UBXN1: variants seen among roughly 807,000 people sequenced by gnomAD.
The protein encoded by UBXN1 is UBX domain protein 1, also known as UBX domain-containing protein 1.
A neutral mutation model predicts 42.0 loss-of-function variants in UBXN1; 21 were observed. The observed-to-expected ratio is 0.50, with a 90% CI of 0.35 to 0.72. The LOEUF is 0.72. UBXN1 is among the 30% of genes least tolerant of loss of function. The pLI, the probability that UBXN1 is intolerant of heterozygous loss-of-function variation, is 0.00. For synonymous variants in UBXN1, 172 were observed against 142.6 expected (o/e 1.21, Z -1.47); for missense variants, 374 against 382.2 (o/e 0.98, Z 0.18).
rs1440288643 is a variant in UBXN1 at position 62,678,132 on chromosome 11, G to A, written c.291-14C>T. 9 of 1,612,814 alleles carry A rather than the reference G, an allele frequency of 5.6e-6. No homozygotes were observed. Among genetic ancestry groups the A allele is most frequent in the African/African-American group, 1.3e-5 (1 of 74,846 alleles). ...AGCTCCAACATCCTGTGTTGCCGAG[G>A]GAAAACAGTTCAAGAGAAATGGACA... On this transcript the variant is annotated splice_polypyrimidine_tract_variant and intron_variant, in intron 4 of 8. Coordinates refer to ENST00000301935, the MANE Select transcript of UBXN1 (RefSeq NM_001286077.2).
rs1326660914 is a variant in UBXN1, at chr11:62,677,577, G to A, written c.592C>T (p.Pro198Ser). The A allele has an allele frequency of 1.9e-6, 3 of 1,614,088 alleles. No homozygotes were observed. Among genetic ancestry groups the A allele is most frequent in the East Asian group, 2.2e-5 (1 of 44,882 alleles). ...GGAGGCTCCTGGCTGGGAGAAGAGG[G>A]AACAGGACCTGGCTCTGGTGCCACT... Reference protein sequence around the residue: ...PPVAPEPGPVPSSPSQEPPTK... With the variant: ...PPVAPEPGPVSSSPSQEPPTK... The change falls in exon 7 of 9, where the codon CCC (proline) becomes TCC (serine). Residue 198 changes from proline (P) to serine (S), a missense_variant. Pro to Ser is a moderately conservative substitution (Grantham distance 74). Coordinates refer to ENST00000301935, the MANE Select transcript of UBXN1 (RefSeq NM_001286077.2).
Position 62,677,005 on chromosome 11 carries a change from C to A in UBXN1, c.652G>T (p.Val218Phe), listed in dbSNP as rs1052767038. The A allele has an allele frequency of 1.9e-6, 3 of 1,607,752 alleles. No homozygotes were observed. The highest frequency in any genetic ancestry group is 3.3e-5 in the Admixed American group (2 of 59,992). The change falls in exon 8 of 9, where the codon GTC (valine) becomes TTC (phenylalanine). Residue 218 changes from valine (V) to phenylalanine (F), a missense_variant and splice_region_variant. Physicochemically the swap from Val to Phe is conservative, Grantham distance 50 (BLOSUM62 -1). Transcript: ENST00000301935. ...AGTGAGGTCCCATCTGGCAGCCTGACCTAAAGGGCAAGGGAGATACTCAGT... is the reference window on the plus strand; with the variant it reads ...AGTGAGGTCCCATCTGGCAGCCTGAACTAAAGGGCAAGGGAGATACTCAGT... The part of the protein sequence containing the change: ...KREYDQCRIQ[V>F]RLPDGTSLTQ...
At chr11:62,677,331 G>C (rs2134670707) in intron 7 of UBXN1, 187 bp downstream of exon 7, 1 of 682,918 alleles carries the variant, frequency 1.5e-6, no homozygotes, top group East Asian at 2.6e-5. Flanking sequence ...AGAGGTATGG[G>C]TTTAAATACA....
rs757396813 is a variant in UBXN1, at chr11:62,678,475, C to T, written c.220+20G>A. On this transcript the variant is annotated intron_variant, in intron 3 of 8. Transcript: ENST00000301935. ...CTCGGACCCTCCTGAATAATCACAC[C>T]GTGGACCCTCAGTCAGGACCTTCAA... The T allele has an allele frequency of 1.2e-6, 2 of 1,612,718 alleles. No individual in the cohort carries two copies. Among genetic ancestry groups the T allele is most frequent in the East Asian group, 2.2e-5 (1 of 44,900 alleles).
Position 62,678,398 on chromosome 11 carries a change from A to C in UBXN1, c.231T>G (p.Ser77=). 1 of 1,614,160 alleles carries C rather than the reference A, an allele frequency of 6.2e-7. No homozygotes were observed. Among genetic ancestry groups the C allele is most frequent in the South Asian group, 1.1e-5 (1 of 91,078 alleles). ...SEQGGLEGSG[S]AAGEGKPALS... The stretch of plus-strand genomic sequence containing the variant: ...AAGCGGGTTTGCCTTCTCCGGCAGC[A>C]GAACCAGATCCTACAAACAAACAAT... The change falls in exon 4 of 9, where the codon TCT becomes TCG. Residue 77 remains serine (S), a synonymous_variant. Transcript: ENST00000301935.
In UBXN1 at chr11:62,676,607, T is replaced by G; in HGVS notation, c.877A>C (p.Lys293Gln). 1 of 1,610,816 alleles carries G rather than the reference T, an allele frequency of 6.2e-7. No homozygotes were observed. Among genetic ancestry groups the G allele is most frequent in the Non-Finnish European group, 8.5e-7 (1 of 1,179,176 alleles). ...LVPSAVLIVA[K>Q]KCPS is the part of the protein sequence containing the mutation. ...AAAGGCCCTCAGCTGGGACATTTCT[T>G]GGCCACAATGAGAACAGCAGAAGGC... Residue 293 changes from lysine to glutamine, a missense_variant, in exon 9 of 9, where the codon AAG becomes CAG. Lys to Gln is a moderately conservative substitution (Grantham distance 53, BLOSUM62 1). Transcript: ENST00000301935.
chr11:62,679,046 T>A lies in UBXN1; in HGVS notation c.-123A>T. 1 of 1,078,390 alleles carries A rather than the reference T, an allele frequency of 9.3e-7. No individual in the cohort carries two copies. Among genetic ancestry groups the A allele is most frequent in the Non-Finnish European group, 1.3e-6 (1 of 762,778 alleles). 66.8% of individuals were successfully genotyped at this position (1,078,390 alleles called of 1,614,324 possible). ...GGGCGCTCGCTCTCTCACCCGGCTC[T>A]ATAGCAGCCGGGAACACCGACGAGA... On this transcript the variant is annotated 5_prime_UTR_variant, in exon 1 of 9. Transcript: ENST00000301935.
chr11:62,678,457 C>A (rs765143859), intron 3 of UBXN1, 38 bp downstream of exon 3: 1 of 1,613,462 alleles, frequency 6.2e-7, no homozygotes, highest in East Asian at 2.2e-5. Context: ...CTCCTCGGAC[C>A]CTCCTGAATA....
chr11:62,677,019 G>GAGAT lies in UBXN1; in HGVS notation c.652-18_652-15dup. 6.2e-7 allele frequency: 1 copy of GAGAT among 1,603,390 alleles called. No homozygotes were observed. Among genetic ancestry groups the GAGAT allele is most frequent in the Non-Finnish European group, 8.5e-7 (1 of 1,177,968 alleles). On this transcript the variant is annotated splice_polypyrimidine_tract_variant and intron_variant, in intron 7 of 8. Transcript: ENST00000301935. ...TGGCAGCCTGACCTAAAGGGCAAGG[G>GAGAT]AGATACTCAGTATTGTGGGCATCAA...
Position 62,678,142 on chromosome 11 carries a change from T to A in UBXN1, c.291-24A>T, listed in dbSNP as rs187402335. The A allele has an allele frequency of 5.6e-3, 8,968 of 1,612,282 alleles. 32 individuals carry two copies. The highest frequency in any genetic ancestry group is 6.9e-3 in the Non-Finnish European group (8,160 of 1,178,802). On this transcript the variant is annotated intron_variant, in intron 4 of 8. Coordinates refer to ENST00000301935, the MANE Select transcript of UBXN1 (RefSeq NM_001286077.2). ...TCCTGTGTTGCCGAGGGAAAACAGT[T>A]CAAGAGAAATGGACAGAGTGGGAAG...
chr11:62,677,455 A>T, intron 7 of UBXN1, 63 bp downstream of exon 7: 1 of 1,543,458 alleles, frequency 6.5e-7, no homozygotes, highest in Admixed American at 1.7e-5. Flanking sequence ...AAAAGCTCTG[A>T]GCTGGGCACC....
intron 6 of UBXN1, 62 bp from the exon 7 acceptor site, chr11:62,677,696 A>G (rs1048022166): frequency 1.5e-5 from 24 of 1,613,154 alleles, no homozygotes; most frequent in Non-Finnish European, 1.8e-5. Context: ...AACAGATCAT[A>G]TAAGCCCATG....
At chr11:62,677,440 C>T in intron 7 of UBXN1, 78 bp downstream of exon 7, 12 of 1,442,252 alleles carry the variant, frequency 8.3e-6, no homozygotes, top group Non-Finnish European at 1.2e-5. Flanking sequence ...GGCACGTTAA[C>T]TGAAAAAAGC....
chr11:62,677,207 A>C, intron 7 of UBXN1: 3 of 637,386 alleles, frequency 4.7e-6, no homozygotes, highest in South Asian at 2.0e-5. Context: ...CAACCTAAGA[A>C]AGACAAGGAT....
At chr11:62,677,247 C>T (rs1303738288) in intron 7 of UBXN1, 1 of 613,830 alleles carries the variant, frequency 1.6e-6, no homozygotes, top group East Asian at 2.8e-5. Flanking sequence ...TGGATAAATA[C>T]CACATCACCA....
At position 62,677,504 on chromosome 11, in the gene UBXN1, A is replaced by T. The variant is rs758494327; in HGVS notation, c.651+14T>A. On this transcript the variant is annotated intron_variant, in intron 7 of 8. Coordinates refer to ENST00000301935, the MANE Select transcript of UBXN1 (RefSeq NM_001286077.2). ...AAGGGGTCCCAAGAGGAAGATAAGA[A>T]TTAGAATCAGTACCTGTATGCGACA... 3.1e-6 allele frequency: 5 copies of T among 1,613,662 alleles called. No homozygotes were observed. The South Asian group carries it at 4.4e-5, about 14-fold the overall frequency.
At position 62,677,457 on chromosome 11, in the gene UBXN1, C is replaced by T. The variant is rs950895366; in HGVS notation, c.651+61G>A. ...CACGTTAACTGAAAAAAGCTCTGAGCTGGGCACCTTAACACGGAACAAAGG... is the reference window on the plus strand; with the variant it reads ...CACGTTAACTGAAAAAAGCTCTGAGTTGGGCACCTTAACACGGAACAAAGG... On this transcript the variant is annotated intron_variant, in intron 7 of 8. Transcript: ENST00000301935. 3.2e-6 allele frequency: 5 copies of T among 1,549,796 alleles called. No homozygotes were observed. In the African/African-American group the frequency reaches 6.8e-5, roughly 21 times the overall value.
chr11:62,678,978 G>A lies in UBXN1; in HGVS notation c.-55C>T. On this transcript the variant is annotated 5_prime_UTR_variant, in exon 1 of 9. Coordinates refer to ENST00000301935, the MANE Select transcript of UBXN1 (RefSeq NM_001286077.2). Reference sequence around the variant, plus strand: ...CTGGTGTGTGACGAGAAGGAGGGCGGGAAGGGTCAGCGCGAGGCAACCCGC... The same window carrying A: ...CTGGTGTGTGACGAGAAGGAGGGCGAGAAGGGTCAGCGCGAGGCAACCCGC... 1 of 1,535,618 alleles carries A rather than the reference G, an allele frequency of 6.5e-7. No individual in the cohort carries two copies. Among genetic ancestry groups the A allele is most frequent in the Non-Finnish European group, 8.7e-7 (1 of 1,143,270 alleles).
At chr11:62,677,497 G>A in intron 7 of UBXN1, 21 bp downstream of exon 7, 2 of 1,612,250 alleles carry the variant, frequency 1.2e-6, no homozygotes, top group Non-Finnish European at 8.5e-7. Flanking sequence ...CCAAGAGGAA[G>A]ATAAGAATTA....
Sources: allele counts gnomAD v4.1 joint callset, GRCh38; gene constraint gnomAD v4.1.1; transcripts MANE v1.5; gene names NCBI Gene and HGNC (gene_info 2026-07-23, HGNC 2026-07-21).